Variants in USP50 observed in about 807,000 individuals in gnomAD.
The protein encoded by USP50 is ubiquitin carboxyl-terminal hydrolase 50.
A neutral mutation model predicts 39.2 loss-of-function variants in USP50; 37 were observed. The ratio of observed to expected loss-of-function variants is 0.94; its 90% CI spans 0.73 to 1.24. The LOEUF (loss-of-function observed/expected upper bound fraction) is 1.24. Ranked by LOEUF, USP50 falls within the 50% of genes most tolerant of loss-of-function variation. USP50 has a pLI of 0.00. For missense variants in USP50, 374 were observed against 398.2 expected (o/e 0.94, Z 0.52); for synonymous variants, 139 against 144.5 (o/e 0.96, Z 0.27).
At chr15:50,525,653 T>C (rs1409393040) in intron 6 of USP50, among the ~76,000 whole-genome samples, 1 of 83,654 alleles carries the variant, frequency 1.2e-5, no homozygotes, top group Non-Finnish European at 2.5e-5. Flanking sequence ...TGTATATGTA[T>C]ATGTATATAT....
At chr15:50,536,724 G>C (rs1220685284) in intron 5 of USP50, among the ~76,000 whole-genome samples, 1 of 151,674 alleles carries the variant, frequency 6.6e-6, no homozygotes, top group East Asian at 1.9e-4. Context: ...GAAATACTTA[G>C]TTATAAAATT....
In USP50 at chr15:50,544,677, C is replaced by T. The variant is rs375527517; in HGVS notation, c.158G>A (p.Cys53Tyr). The change falls in exon 2 of 7, where the codon TGC (cysteine) becomes TAC (tyrosine). Residue 53 changes from cysteine (C) to tyrosine (Y), a missense_variant. Cys to Tyr is a radical substitution (Grantham distance 194). Coordinates refer to ENST00000532404, the MANE Select transcript of USP50 (RefSeq NM_203494.5). ...ACACTGTGAGATGGCATTCACGCAG[C>T]ATGTGTTGCCCAAGTTCCACAAGCC... ...VTGLWNLGNT[C>Y]CVNAISQCLC... The T allele has an allele frequency of 2.5e-6, 4 of 1,613,764 alleles. No homozygotes were observed. Among genetic ancestry groups the T allele is most frequent in the Non-Finnish European group, 3.4e-6 (4 of 1,179,874 alleles).
At chr15:50,535,197 G>T (rs149322134) in intron 5 of USP50, among the ~76,000 whole-genome samples, 34 of 151,818 alleles carry the variant, frequency 2.2e-4, no homozygotes, top group African/African-American at 8.2e-4. Flanking sequence ...AGAAATAGAT[G>T]AATCACTTTT....
intron 6 of USP50, among the ~76,000 whole-genome samples, chr15:50,527,323 G>C (rs959785268): frequency 6.6e-6 from 1 of 152,122 alleles, no homozygotes; most frequent in Non-Finnish European, 1.5e-5. Flanking sequence ...TCCTGCCTCA[G>C]CCTCCTGAGT....
intron 6 of USP50, chr15:50,512,007 T>A (rs1485861857): frequency 2.6e-5 from 4 of 151,490 alleles, no homozygotes; most frequent in African/African-American, 9.7e-5. Flanking sequence ...AAAAATAAAA[T>A]AAATAAAATT....
intron 6 of USP50, among the ~76,000 whole-genome samples, chr15:50,526,286 T>G (rs1346337094): frequency 6.6e-6 from 1 of 152,120 alleles, no homozygotes; most frequent in Non-Finnish European, 1.5e-5. Flanking sequence ...TCTCCAACTC[T>G]TGAGCTCAAG....
downstream of USP50, among the ~76,000 whole-genome samples, chr15:50,496,399 T>G (rs573680032): frequency 1.3e-5 from 2 of 148,976 alleles, no homozygotes; most frequent in Non-Finnish European, 3.0e-5. Context: ...GAGAATGGCG[T>G]GAACCCTGGA....
chr15:50,517,625 A>C (rs2052813935), intron 6 of USP50, among the ~76,000 whole-genome samples: 1 of 152,220 alleles, frequency 6.6e-6, no homozygotes. Context: ...TGGGTCCAAA[A>C]ATAAATCAAA....
Position 50,544,622 on chromosome 15 carries a change from G to A in USP50, c.213C>T (p.Tyr71=). ...CLCSILPLVE[Y]FLTGKYITAL... ...CGGTGATATACTTCCCGGTGAGAAAGTATTCCACCAGCGGCAAGATGCTGC... is the reference window on the plus strand; with the variant it reads ...CGGTGATATACTTCCCGGTGAGAAAATATTCCACCAGCGGCAAGATGCTGC... Residue 71 remains tyrosine, a synonymous_variant, in exon 2 of 7, where the codon TAC becomes TAT. Coordinates refer to ENST00000532404, the MANE Select transcript of USP50 (RefSeq NM_203494.5). 1 of 1,613,772 alleles carries A rather than the reference G, an allele frequency of 6.2e-7. No individual in the cohort carries two copies.
chr15:50,515,311 G>A (rs897846111), intron 6 of USP50, among the ~76,000 whole-genome samples: 3 of 152,018 alleles, frequency 2.0e-5, no homozygotes, highest in African/African-American at 7.2e-5. Flanking sequence ...GCGCGATCTC[G>A]GCTCACTGCA....
chr15:50,496,297 C>T (rs558212993), downstream of USP50, among the ~76,000 whole-genome samples: 10 of 151,952 alleles, frequency 6.6e-5, no homozygotes, highest in African/African-American at 1.4e-4. Flanking sequence ...CTGGATAACA[C>T]GGTGAAACCC....
intron 6 of USP50, chr15:50,508,176 T>C (rs559050097): frequency 8.4e-5 from 12 of 143,604 alleles, no homozygotes; most frequent in Admixed American, 3.4e-4. Context: ...AAAAAATCAA[T>C]ACTTTTGGAA....
intron 5 of USP50, among the ~76,000 whole-genome samples, chr15:50,538,210 G>C: frequency 6.9e-6 from 1 of 145,244 alleles, no homozygotes; most frequent in African/African-American, 2.6e-5. Context: ...CTGGGAGGTG[G>C]AGGTTGCAGT....
At chr15:50,540,153 A>G (rs1293650704) in intron 4 of USP50, among the ~76,000 whole-genome samples, 1 of 152,156 alleles carries the variant, frequency 6.6e-6, no homozygotes, top group Non-Finnish European at 1.5e-5. Context: ...AAGAAAACTT[A>G]TTGCTGTCCG....
intron 6 of USP50, among the ~76,000 whole-genome samples, chr15:50,527,908 A>G (rs1452979303): frequency 6.6e-6 from 1 of 152,056 alleles, no homozygotes; most frequent in African/African-American, 2.4e-5. Flanking sequence ...ATGTGCTGGG[A>G]TTATAGATGT....
At position 50,540,925 on chromosome 15, in the gene USP50, A is replaced by AT. The variant is rs112406642; in HGVS notation, c.660+123dup. ...AGGCATGAGCCACCGCACTCAGTCT[A>AT]TTTTTTTTTAAATTAAAGTTATAAA... On this transcript the variant is annotated intron_variant, in intron 4 of 6. Coordinates refer to ENST00000532404, the MANE Select transcript of USP50 (RefSeq NM_203494.5). 5.7e-3 allele frequency: 4,165 copies of AT among 728,906 alleles called. 107 individuals are homozygous for AT. In the African/African-American group the frequency reaches 0.06, roughly 11 times the overall value. 45.2% of individuals were successfully genotyped at this position (728,906 alleles called of 1,614,324 possible). A position where few individuals can be genotyped will look rare whatever the true frequency, so the allele number is the denominator to read the frequency against.
chr15:50,536,752 A>C (rs2052983508), intron 5 of USP50, among the ~76,000 whole-genome samples: 1 of 152,178 alleles, frequency 6.6e-6, no homozygotes, highest in South Asian at 2.1e-4. Context: ...TATGTACAAG[A>C]CCTATAGAAG....
At chr15:50,528,671 T>A (rs546230564) in intron 6 of USP50, among the ~76,000 whole-genome samples, 4 of 152,158 alleles carry the variant, frequency 2.6e-5, no homozygotes, top group African/African-American at 7.2e-5. Flanking sequence ...GGGAGCAGGA[T>A]AAATTGGAAA....
In USP50 at chr15:50,541,049, C is replaced by T. The variant is rs764488620; in HGVS notation, c.660G>A (p.Arg220=). The T allele has an allele frequency of 1.4e-5, 22 of 1,612,380 alleles. No homozygotes were observed. The Middle Eastern group carries it at 4.9e-4, about 36-fold the overall frequency. Residue 220 remains arginine, a splice_region_variant and synonymous_variant, in exon 4 of 7, where the codon CGG becomes CGA. Coordinates refer to ENST00000532404, the MANE Select transcript of USP50 (RefSeq NM_203494.5). The part of the protein sequence containing the change: ...PIPSKYECSL[R]DCLQCFFQQD... ...GTGTCCAGGAATACTGCATTCCTAC[C>T]CGAAGGGAGCATTCATATTTGGATG...
Sources: allele counts gnomAD v4.1 joint callset (sites outside exome capture counted in the v4.1 genomes callset), GRCh38; gene constraint gnomAD v4.1.1; transcripts MANE v1.5; gene names NCBI Gene and HGNC (gene_info 2026-07-23, HGNC 2026-07-21).